The following MGAT5 variants were observed in gnomAD, a reference collection of about 807,000 sequenced individuals.
MGAT5 encodes the protein alpha-1,6-mannosylglycoprotein 6-beta-N-acetylglucosaminyltransferase.
MGAT5 carries 30 observed loss-of-function variants against 94.3 expected under a neutral mutation model. The observed-to-expected ratio is 0.32, with a 90% CI of 0.24 to 0.43. The LOEUF is 0.43. MGAT5 is among the 20% of genes least tolerant of loss of function. The pLI, the probability that MGAT5 is intolerant of heterozygous loss-of-function variation, is 1.00. For synonymous variants in MGAT5, 310 were observed against 322.9 expected (o/e 0.96, Z 0.43); for missense variants, 691 against 905.5 (o/e 0.76, Z 3.04).
chr2:134,259,889 C>T (rs554924318), intron 1 of MGAT5, among the ~76,000 whole-genome samples: 2 of 152,142 alleles, frequency 1.3e-5, no homozygotes, highest in Non-Finnish European at 2.9e-5. Context: ...AGTCAGATAG[C>T]AGTACATTCC....
intron 11 of MGAT5, among the ~76,000 whole-genome samples, chr2:134,410,533 T>C (rs1004773679): frequency 7.2e-5 from 11 of 152,240 alleles, no homozygotes; most frequent in African/African-American, 2.7e-4. Flanking sequence ...TTTTATTTTA[T>C]GTGTACTGAG....
chr2:134,258,347 T>A (rs1573632344), intron 1 of MGAT5, among the ~76,000 whole-genome samples: 2 of 152,362 alleles, frequency 1.3e-5, no homozygotes, highest in South Asian at 4.1e-4. Flanking sequence ...CCTTATTGAT[T>A]CAACTATTTC....
intron 1 of MGAT5, among the ~76,000 whole-genome samples, chr2:134,207,498 A>G (rs529042724): frequency 6.6e-6 from 1 of 152,236 alleles, no homozygotes; most frequent in South Asian, 2.1e-4. Context: ...TGAGCCAGCC[A>G]GACTTTCATG....
At chr2:134,441,718 A>G (rs1322931700) in intron 14 of MGAT5, 40 bp from the exon 15 acceptor site, 1 of 1,583,500 alleles carries the variant, frequency 6.3e-7, no homozygotes, top group African/African-American at 1.3e-5. Flanking sequence ...CCCCAGCTGT[A>G]TCCTTGGACC....
rs201733888 is a variant in MGAT5 at position 134,381,532 on chromosome 2, CAGACAGAT to C, written c.1380+19128_1380+19135del. ...CAGACCAGACAGACAGACAGACAGA[CAGACAGAT>C]AGATAGATAGATAGATAGCACTACA... On this transcript the variant is annotated intron_variant, in intron 10 of 15. Transcript: ENST00000281923. Among the ~76,000 whole-genome samples, 489 of 36,102 alleles carry C rather than the reference CAGACAGAT, an allele frequency of 0.014. 2 individuals carry two copies. The East Asian group carries it at 0.14, about 10-fold the overall frequency. 23.7% of individuals were successfully genotyped at this position (36,102 alleles called of 152,430 possible). A position where few individuals can be genotyped will look rare whatever the true frequency, so the allele number is the denominator to read the frequency against.
intron 1 of MGAT5, among the ~76,000 whole-genome samples, chr2:134,176,649 A>C (rs1048349331): frequency 1.3e-5 from 2 of 152,160 alleles, no homozygotes; most frequent in African/African-American, 4.8e-5. Context: ...TGACATTTAA[A>C]AAGTCTATAA....
At chr2:134,434,513 T>C (rs1475694791) in intron 14 of MGAT5, among the ~76,000 whole-genome samples, 1 of 152,236 alleles carries the variant, frequency 6.6e-6, no homozygotes, top group Non-Finnish European at 1.5e-5. Context: ...TCATTTTTGC[T>C]GCATAGGAGC....
rs117820861 is a variant in MGAT5 at position 134,438,212 on chromosome 2, A to T, written c.1870-3546A>T. ...TACCTTTAGCCTCCATGTTTAAGAT[A>T]TATATGAAACATAAATGAATTTTAT... is the stretch of plus-strand genomic sequence containing the variant. On this transcript the variant is annotated intron_variant, in intron 14 of 15. Transcript: ENST00000281923. Among the ~76,000 whole-genome samples the T allele has an allele frequency of 7.0e-4, 107 of 152,312 alleles. 1 individual carries two copies. In the East Asian group the frequency reaches 0.016, roughly 23 times the overall value.
At chr2:134,378,458 G>A (rs1402255567) in intron 10 of MGAT5, among the ~76,000 whole-genome samples, 1 of 152,158 alleles carries the variant, frequency 6.6e-6, no homozygotes, top group Non-Finnish European at 1.5e-5. Context: ...ATACAGTTAA[G>A]AGCATGGGCT....
chr2:134,237,148 T>TGCACGC (rs1681689198), intron 1 of MGAT5, among the ~76,000 whole-genome samples: 5 of 140,744 alleles, frequency 3.6e-5, no homozygotes, highest in Non-Finnish European at 7.7e-5. Flanking sequence ...TGTGTGTGTG[T>TGCACGC]GCGCGTGTGT....
upstream of MGAT5, among the ~76,000 whole-genome samples, chr2:134,253,623 G>C (rs1682749327): frequency 6.6e-6 from 1 of 152,194 alleles, no homozygotes; most frequent in South Asian, 2.1e-4. Flanking sequence ...TCCTCATGTA[G>C]CTGGGAAAGC....
intron 2 of MGAT5, among the ~76,000 whole-genome samples, chr2:134,286,031 T>G (rs752261490): frequency 8.5e-5 from 13 of 152,348 alleles, no homozygotes; most frequent in South Asian, 2.1e-4. Context: ...ATGTTTGCAT[T>G]GTTTTGATTA....
chr2:134,420,436 G>A (rs1684230099), intron 12 of MGAT5, among the ~76,000 whole-genome samples: 1 of 152,222 alleles, frequency 6.6e-6, no homozygotes, highest in Non-Finnish European at 1.5e-5. Flanking sequence ...CTGATGACGG[G>A]CTGCTGCTGG....
intron 1 of MGAT5, among the ~76,000 whole-genome samples, chr2:134,225,101 A>AAT (rs1680992817): frequency 6.7e-6 from 1 of 148,964 alleles, no homozygotes; most frequent in South Asian, 2.1e-4. Flanking sequence ...AAAAAAAAAA[A>AAT]ATGCGGTGGA....
intron 2 of MGAT5, among the ~76,000 whole-genome samples, chr2:134,317,292 G>A (rs937857532): frequency 4.6e-5 from 7 of 152,032 alleles, no homozygotes; most frequent in South Asian, 2.1e-4. Context: ...TTTTTAAGCC[G>A]GGCCACACAT....
chr2:134,386,707 G>A (rs1480764080), intron 10 of MGAT5, among the ~76,000 whole-genome samples: 4 of 152,200 alleles, frequency 2.6e-5, no homozygotes, highest in African/African-American at 9.6e-5. Context: ...GCTGTGTCTA[G>A]TCTTTACCTA....
intron 4 of MGAT5, among the ~76,000 whole-genome samples, chr2:134,326,164 T>G (rs2105931992): frequency 6.6e-6 from 1 of 152,050 alleles, no homozygotes; most frequent in East Asian, 1.9e-4. Context: ...GATGTGACTC[T>G]TCATCAGGTA....
chr2:134,178,048 A>G (rs961585154), intron 1 of MGAT5, among the ~76,000 whole-genome samples: 47 of 152,146 alleles, frequency 3.1e-4, no homozygotes, highest in African/African-American at 1.1e-3. Flanking sequence ...TTCTTCGTGC[A>G]GTGGTGAATT....
intron 1 of MGAT5, among the ~76,000 whole-genome samples, chr2:134,212,781 A>G (rs549454912): frequency 1.3e-5 from 2 of 152,268 alleles, no homozygotes; most frequent in Admixed American, 6.5e-5. Context: ...CCTCTTCTTC[A>G]TTGTATTCTT....
Sources: gnomAD v4.1 joint callset for allele counts (sites outside exome capture counted in the v4.1 genomes callset) on GRCh38, gnomAD v4.1.1 for gene constraint, MANE v1.5 for transcripts, NCBI Gene and HGNC (gene_info 2026-07-23, HGNC 2026-07-21) for gene names.